GRM8: variants seen among roughly 807,000 people sequenced by gnomAD.
The protein encoded by GRM8 is metabotropic glutamate receptor 8.
GRM8 carries 47 observed loss-of-function variants against 87.2 expected under a neutral mutation model. The ratio of observed to expected loss-of-function variants is 0.54; its 90% confidence interval spans 0.43 to 0.69. The LOEUF is 0.69. Ranked by LOEUF, GRM8 falls within the 30% of genes least tolerant of loss-of-function variation. GRM8 has a pLI of 0.00. For synonymous variants in GRM8, 396 were observed against 404.5 expected (o/e 0.98, Z 0.25); for missense variants, 1,019 against 1,139.2 (o/e 0.89, Z 1.52).
intron 3 of GRM8, among the ~76,000 whole-genome samples, chr7:127,050,787 G>C (rs1424472587): frequency 1.3e-5 from 2 of 152,186 alleles, no homozygotes; most frequent in Admixed American, 6.5e-5. Flanking sequence ...CTTGGTGAAT[G>C]GTGGTAGACC....
intron 6 of GRM8, among the ~76,000 whole-genome samples, chr7:126,836,110 T>G (rs1795809060): frequency 6.6e-6 from 1 of 152,180 alleles, no homozygotes; most frequent in Admixed American, 6.5e-5. Context: ...AAATATAAGA[T>G]GAATTTCACA....
chr7:127,105,497 T>C (rs183594136), intron 3 of GRM8: 16 of 152,342 alleles, frequency 1.1e-4, no homozygotes, highest in Non-Finnish European at 2.2e-4. Flanking sequence ...AACATCCTAC[T>C]TCAATAACAT....
At chr7:126,937,696 A>G (rs1806482197) in intron 3 of GRM8, among the ~76,000 whole-genome samples, 1 of 152,222 alleles carries the variant, frequency 6.6e-6, no homozygotes, top group Non-Finnish European at 1.5e-5. Flanking sequence ...GCTAACTCCT[A>G]CTGACTAGAT....
At chr7:126,954,003 G>T (rs901088685) in intron 3 of GRM8, among the ~76,000 whole-genome samples, 5 of 152,080 alleles carry the variant, frequency 3.3e-5, no homozygotes, top group East Asian at 1.9e-4. Context: ...CATGCCTCTT[G>T]TTTCTACCAA....
At chr7:127,049,570 G>A (rs1032595872) in intron 3 of GRM8, among the ~76,000 whole-genome samples, 3 of 152,136 alleles carry the variant, frequency 2.0e-5, no homozygotes, top group African/African-American at 7.2e-5. Flanking sequence ...CTTAGGTCTT[G>A]GGGATTCAGT....
At chr7:126,580,236 T>C (rs1322750088) in intron 8 of GRM8, among the ~76,000 whole-genome samples, 1 of 152,160 alleles carries the variant, frequency 6.6e-6, no homozygotes, top group Non-Finnish European at 1.5e-5. Flanking sequence ...AAAAGCCATG[T>C]TCCAAGTTGA....
chr7:127,121,485 C>T (rs1003929703), intron 2 of GRM8, among the ~76,000 whole-genome samples: 1 of 152,154 alleles, frequency 6.6e-6, no homozygotes, highest in Non-Finnish European at 1.5e-5. Context: ...CCCACAGGGG[C>T]TACAGTGAGC....
chr7:126,765,228 G>C (rs1192647272), intron 7 of GRM8, among the ~76,000 whole-genome samples: 1 of 152,094 alleles, frequency 6.6e-6, no homozygotes, highest in African/African-American at 2.4e-5. Flanking sequence ...CCAATATAAA[G>C]AGAAACAGAT....
At chr7:127,169,956 C>T (rs1386564410) in intron 2 of GRM8, among the ~76,000 whole-genome samples, 1 of 152,168 alleles carries the variant, frequency 6.6e-6, no homozygotes, top group African/African-American at 2.4e-5. Flanking sequence ...AGGAGATATA[C>T]AAGGAGATAA....
At chr7:126,557,411 C>T (rs531859249) in intron 8 of GRM8, among the ~76,000 whole-genome samples, 8 of 152,256 alleles carry the variant, frequency 5.3e-5, no homozygotes, top group East Asian at 1.9e-4. Context: ...ACATTTTTCT[C>T]GCACACCAGC....
chr7:127,056,133 T>A (rs931738148), intron 3 of GRM8, among the ~76,000 whole-genome samples: 2 of 151,308 alleles, frequency 1.3e-5, no homozygotes, highest in Admixed American at 1.3e-4. Context: ...TAATTTAAGT[T>A]ATTTCAGGAA....
At chr7:126,827,679 T>C (rs764248587) in intron 6 of GRM8, among the ~76,000 whole-genome samples, 11 of 151,442 alleles carry the variant, frequency 7.3e-5, no homozygotes, top group Non-Finnish European at 1.5e-4. Context: ...ATTTGACTTC[T>C]TTTCCTAATT....
chr7:126,476,326 C>T (rs1001140027), intron 9 of GRM8, among the ~76,000 whole-genome samples: 2 of 152,024 alleles, frequency 1.3e-5, no homozygotes, highest in African/African-American at 2.4e-5. Flanking sequence ...CTGAGGTAGG[C>T]GGGTTACTTG....
chr7:126,526,060 A>T (rs757612457), intron 9 of GRM8, among the ~76,000 whole-genome samples: 3 of 152,078 alleles, frequency 2.0e-5, no homozygotes, highest in East Asian at 3.9e-4. Context: ...CAACATAAAA[A>T]ATATATATAT....
intron 7 of GRM8, among the ~76,000 whole-genome samples, chr7:126,622,815 A>C (rs982959735): frequency 2.0e-5 from 3 of 151,984 alleles, no homozygotes; most frequent in African/African-American, 7.3e-5. Flanking sequence ...AATTGTGTTC[A>C]TTTTCTCCAC....
intron 3 of GRM8, among the ~76,000 whole-genome samples, chr7:126,999,909 C>A (rs1033213817): frequency 1.3e-5 from 2 of 151,860 alleles, no homozygotes; most frequent in African/African-American, 4.8e-5. Context: ...GAAAAGAAAT[C>A]AGTATATCAA....
chr7:126,788,420 A>AAAAAAAAAAAAAAAAAAAAAAAAAAAC, intron 6 of GRM8, among the ~76,000 whole-genome samples: 113 of 80,976 alleles, frequency 1.4e-3, no homozygotes, highest in East Asian at 4.5e-3. Context: ...AAAAAAAAAA[A>AAAAAAAAAAAAAAAAAAAAAAAAAAAC]AAACCCTTTC....
chr7:127,105,576 C>T (rs17867763), intron 3 of GRM8, among the ~76,000 whole-genome samples: 1 of 152,066 alleles, frequency 6.6e-6, no homozygotes, highest in Non-Finnish European at 1.5e-5. Flanking sequence ...TGAGTCGAGG[C>T]CTCTAAGAAA....
At chr7:126,701,234 G>A (rs988581521) in intron 7 of GRM8, among the ~76,000 whole-genome samples, 1 of 152,066 alleles carries the variant, frequency 6.6e-6, no homozygotes, top group African/African-American at 2.4e-5. Context: ...GGTTGGGGGT[G>A]GGCTGCCTTG....
Sources: gnomAD v4.1 joint callset for allele counts (sites outside exome capture counted in the v4.1 genomes callset) on GRCh38, gnomAD v4.1.1 for gene constraint, MANE v1.5 for transcripts, NCBI Gene and HGNC (gene_info 2026-07-23, HGNC 2026-07-21) for gene names.